Variants in DCBLD1 observed in about 807,000 individuals in gnomAD.
DCBLD1 encodes discoidin, CUB and LCCL domain containing 1.
In DCBLD1, 57 loss-of-function variants were observed where a neutral mutation model predicts 71.5. That is an observed-to-expected ratio of 0.80 (90% confidence interval 0.64 to 0.99). The LOEUF is 0.99. Ranked by LOEUF, DCBLD1 falls within the 50% of genes least tolerant of loss-of-function variation. The pLI, the probability that DCBLD1 is intolerant of heterozygous loss-of-function variation, is 0.00. For synonymous variants in DCBLD1, 380 were observed against 363.8 expected (o/e 1.04, Z -0.51); for missense variants, 891 against 923.5 (o/e 0.96, Z 0.46).
At chr6:117,519,770 G>C (rs1319998351) in intron 2 of DCBLD1, 46 bp from the exon 3 acceptor site, 1 of 1,585,116 alleles carries the variant, frequency 6.3e-7, no homozygotes, top group East Asian at 2.3e-5. Flanking sequence ...AGTCATTTGT[G>C]CTGGTATAAA....
intron 14 of DCBLD1, chr6:117,547,631 C>A: frequency 1.4e-6 from 1 of 703,276 alleles, no homozygotes; most frequent in East Asian, 2.9e-5. Flanking sequence ...AGAGCCACTT[C>A]CTCCCTGAAG....
At chr6:117,562,651 A>G (rs1472727239) in intron 14 of DCBLD1, 1 of 204,816 alleles carries the variant, frequency 4.9e-6, no homozygotes, top group Non-Finnish European at 1.0e-5. Flanking sequence ...AAAGAAAACT[A>G]TTTTGTACTG....
chr6:117,488,861 T>C (rs1205184794), intron 1 of DCBLD1, among the ~76,000 whole-genome samples: 1 of 152,166 alleles, frequency 6.6e-6, no homozygotes, highest in East Asian at 1.9e-4. Flanking sequence ...GGACAGTGTC[T>C]AGGCATTTGT....
intron 1 of DCBLD1, among the ~76,000 whole-genome samples, chr6:117,489,613 C>T (rs562318150): frequency 6.6e-6 from 1 of 152,070 alleles, no homozygotes; most frequent in Non-Finnish European, 1.5e-5. Flanking sequence ...GGCCGGGCGC[C>T]GTGGCTCATG....
chr6:117,491,456 A>G (rs531650849), intron 1 of DCBLD1, among the ~76,000 whole-genome samples: 127 of 152,334 alleles, frequency 8.3e-4, no homozygotes, highest in Non-Finnish European at 1.7e-3. Flanking sequence ...AGAAGGGTCT[A>G]CAAGTCTTTT....
intron 1 of DCBLD1, among the ~76,000 whole-genome samples, 167 bp downstream of exon 1, chr6:117,483,060 C>G (rs900915618): frequency 6.6e-6 from 1 of 152,028 alleles, no homozygotes; most frequent in Admixed American, 6.5e-5. Context: ...GAGTCCGGCT[C>G]TACCCGCGGG....
intron 11 of DCBLD1, among the ~76,000 whole-genome samples, chr6:117,542,240 C>T (rs1398204632): frequency 1.3e-5 from 2 of 150,564 alleles, no homozygotes; most frequent in Admixed American, 1.3e-4. Context: ...TTGCCCAAGC[C>T]GAGATCACAC....
chr6:117,494,575 C>T (rs550219057), intron 1 of DCBLD1, among the ~76,000 whole-genome samples: 5 of 151,962 alleles, frequency 3.3e-5, no homozygotes, highest in South Asian at 2.1e-4. Flanking sequence ...AGAATTGTTT[C>T]GCTGTACAAA....
At chr6:117,543,351 A>G (rs1382421646) in intron 12 of DCBLD1, 140 bp downstream of exon 12, 4 of 720,578 alleles carry the variant, frequency 5.6e-6, no homozygotes, top group Non-Finnish European at 9.6e-6. Context: ...TATTTTACAA[A>G]CAAGTTAGAT....
At chr6:117,527,735 CTG>C (rs1341013538) in intron 5 of DCBLD1, among the ~76,000 whole-genome samples, 1 of 151,112 alleles carries the variant, frequency 6.6e-6, no homozygotes, top group Non-Finnish European at 1.5e-5. Flanking sequence ...CAGGGATAGA[CTG>C]TCTTTGTGTG....
chr6:117,525,836 C>A (rs1177915444), intron 5 of DCBLD1, among the ~76,000 whole-genome samples: 3 of 152,144 alleles, frequency 2.0e-5, no homozygotes, highest in Non-Finnish European at 2.9e-5. Context: ...AGCCATCCAC[C>A]CTGCTCTTAT....
At chr6:117,540,492 T>G (rs1779053846) in intron 9 of DCBLD1, 176 bp from the exon 10 acceptor site, 1 of 651,826 alleles carries the variant, frequency 1.5e-6, no homozygotes, top group Non-Finnish European at 2.6e-6. Context: ...CCACCTTAGT[T>G]AGATAAATTG....
intron 4 of DCBLD1, among the ~76,000 whole-genome samples, chr6:117,524,076 G>A (rs751656812): frequency 2.6e-5 from 4 of 152,154 alleles, no homozygotes; most frequent in Non-Finnish European, 5.9e-5. Flanking sequence ...CCCACTGCTA[G>A]CTAGGTAGTG....
intron 1 of DCBLD1, among the ~76,000 whole-genome samples, chr6:117,489,549 A>G (rs544538058): frequency 2.6e-5 from 4 of 151,908 alleles, no homozygotes; most frequent in East Asian, 3.9e-4. Flanking sequence ...CCCCCATACC[A>G]CCCCCCTTTT....
chr6:117,547,413 G>C (rs979051684), intron 14 of DCBLD1, among the ~76,000 whole-genome samples: 4 of 152,182 alleles, frequency 2.6e-5, no homozygotes, highest in African/African-American at 9.6e-5. Flanking sequence ...CTGGCAAAGA[G>C]TAGGAGCTCT....
chr6:117,567,970 C>T (rs905000664), intron 14 of DCBLD1, among the ~76,000 whole-genome samples: 4 of 147,676 alleles, frequency 2.7e-5, no homozygotes, highest in African/African-American at 1.0e-4. Context: ...GCAGGTGGAT[C>T]GCTTGAGCTC....
At chr6:117,517,455 C>G (rs1339136024) in intron 2 of DCBLD1, among the ~76,000 whole-genome samples, 1 of 152,190 alleles carries the variant, frequency 6.6e-6, no homozygotes, top group East Asian at 1.9e-4. Context: ...TGCAATGGAT[C>G]TACCATTCTG....
chr6:117,552,508 C>A (rs1779444818), downstream of DCBLD1, among the ~76,000 whole-genome samples: 1 of 152,166 alleles, frequency 6.6e-6, no homozygotes, highest in South Asian at 2.1e-4. Flanking sequence ...TACTTTTTCA[C>A]CACCATTCAA....
At chr6:117,567,330 A>G (rs1161239708) in intron 14 of DCBLD1, among the ~76,000 whole-genome samples, 1 of 152,212 alleles carries the variant, frequency 6.6e-6, no homozygotes, top group Non-Finnish European at 1.5e-5. Context: ...AAATTTATAG[A>G]ATTTTGGAAC....
Sources: gnomAD v4.1 joint callset for allele counts (sites outside exome capture counted in the v4.1 genomes callset) on GRCh38, gnomAD v4.1.1 for gene constraint, MANE v1.5 for transcripts, NCBI Gene and HGNC (gene_info 2026-07-23, HGNC 2026-07-21) for gene names.